Variants in UTS2B observed in about 807,000 individuals in gnomAD.
UTS2B encodes urotensin-2B.
Under a neutral mutation model 19.2 loss-of-function variants are expected in UTS2B, and 21 were observed. The ratio of observed to expected loss-of-function variants is 1.09; its 90% CI spans 0.78 to 1.58. The LOEUF is 1.58. UTS2B is among the 40% of genes most tolerant of loss of function. The pLI, the probability that UTS2B is intolerant of heterozygous loss-of-function variation, is 0.00. For missense variants in UTS2B, 138 were observed against 130.3 expected (o/e 1.06, Z -0.29); for synonymous variants, 57 against 50.2 (o/e 1.14, Z -0.58).
chr3:191,315,643 G>T (rs964078620), intron 3 of UTS2B, among the ~76,000 whole-genome samples: 11 of 152,198 alleles, frequency 7.2e-5, no homozygotes, highest in African/African-American at 2.7e-4. Context: ...AACAGTTTGT[G>T]TTTTTTCCAC....
intron 4 of UTS2B, among the ~76,000 whole-genome samples, chr3:191,293,624 C>T (rs940014863): frequency 3.9e-5 from 6 of 151,940 alleles, no homozygotes; most frequent in African/African-American, 1.5e-4. Flanking sequence ...TGTAAATATT[C>T]TGTCTCATCT....
chr3:191,309,742 T>C (rs139654837), intron 3 of UTS2B, among the ~76,000 whole-genome samples: 2 of 152,214 alleles, frequency 1.3e-5, no homozygotes, highest in Non-Finnish European at 2.9e-5. Flanking sequence ...CGAAAGCATG[T>C]AGCACCTCCT....
chr3:191,316,186 T>C lies in UTS2B; in HGVS notation c.-332A>G, dbSNP rs540840841. The C allele has an allele frequency of 6.6e-6, 1 of 151,966 alleles. No individual in the cohort carries two copies. Among genetic ancestry groups the C allele is most frequent in the East Asian group, 1.9e-4 (1 of 5,176 alleles). 9.4% of individuals were successfully genotyped at this position (151,966 alleles called of 1,614,324 possible). A position where few individuals can be genotyped will look rare whatever the true frequency, so the allele number is the denominator to read the frequency against. ...TGTTTTCTTCCACATAGCCTTTCCATATAGCCAGTTTCCAACAGCATATTA... is the reference window on the plus strand; with the variant it reads ...TGTTTTCTTCCACATAGCCTTTCCACATAGCCAGTTTCCAACAGCATATTA... On this transcript the variant is annotated 5_prime_UTR_variant, in exon 3 of 9. The change creates a new upstream start codon in the 5' untranslated region. Transcript: ENST00000340524.
chr3:191,305,003 T>C (rs549607012), intron 3 of UTS2B, among the ~76,000 whole-genome samples: 13 of 152,276 alleles, frequency 8.5e-5, no homozygotes, highest in African/African-American at 3.1e-4. Flanking sequence ...AAGGACATGA[T>C]CTTGTTCTTT....
chr3:191,337,086 A>C, the UTS2B span, among the ~76,000 whole-genome samples: 1 of 152,116 alleles, frequency 6.6e-6, no homozygotes, highest in Non-Finnish European at 1.5e-5. Flanking sequence ...CTGCTTACAT[A>C]CTGTAGAGGC....
intron 7 of UTS2B, among the ~76,000 whole-genome samples, chr3:191,275,739 G>T (rs1320980135): frequency 7.2e-6 from 1 of 138,908 alleles, no homozygotes; most frequent in Admixed American, 7.2e-5. Context: ...GAAGAGGAAA[G>T]ATAAAAAGAA....
At chr3:191,335,081 C>CATG (rs1718097858), upstream of UTS2B, among the ~76,000 whole-genome samples, 1 of 152,122 alleles carries the variant, frequency 6.6e-6, no homozygotes, top group African/African-American at 2.4e-5. Flanking sequence ...AGTCATAGGC[C>CATG]ATGGTCTTTC....
At chr3:191,287,606 C>T (rs927047680) in intron 4 of UTS2B, among the ~76,000 whole-genome samples, 1 of 152,024 alleles carries the variant, frequency 6.6e-6, no homozygotes, top group Non-Finnish European at 1.5e-5. Context: ...GAATGTACCT[C>T]GGCACAATAA....
intron 4 of UTS2B, among the ~76,000 whole-genome samples, chr3:191,296,075 A>G (rs952370821): frequency 2.6e-5 from 4 of 152,218 alleles, no homozygotes; most frequent in South Asian, 2.1e-4. Flanking sequence ...GAGTCATAAC[A>G]TGATCTAGAA....
chr3:191,323,129 C>CTGTTATTTTATTTTATTTTA (rs1390182802), intron 2 of UTS2B, among the ~76,000 whole-genome samples: 2 of 59,156 alleles, frequency 3.4e-5, no homozygotes, highest in Non-Finnish European at 6.3e-5. Context: ...CTTTTCAGTG[C>CTGTTATTTTATTTTATTTTA]TGTTATTTTA....
intron 2 of UTS2B, among the ~76,000 whole-genome samples, chr3:191,323,418 C>T (rs975883939): frequency 6.6e-5 from 10 of 152,162 alleles, no homozygotes; most frequent in African/African-American, 2.2e-4. Context: ...GTTCGCCCAC[C>T]TGGACCTCCC....
chr3:191,313,228 C>A (rs1717352504), intron 3 of UTS2B, among the ~76,000 whole-genome samples: 1 of 152,136 alleles, frequency 6.6e-6, no homozygotes, highest in Non-Finnish European at 1.5e-5. Context: ...CTCCTGACTA[C>A]AAGTGATCCA....
chr3:191,333,111 T>TCTGTTG (rs1419093707), upstream of UTS2B, among the ~76,000 whole-genome samples: 80 of 152,204 alleles, frequency 5.3e-4, 1 homozygote, highest in Non-Finnish European at 9.1e-4. Context: ...GAATTCTGTG[T>TCTGTTG]GTGTTGGTGT....
At chr3:191,314,108 G>T (rs192816524) in intron 3 of UTS2B, among the ~76,000 whole-genome samples, 1 of 152,062 alleles carries the variant, frequency 6.6e-6, no homozygotes, top group Non-Finnish European at 1.5e-5. Flanking sequence ...ACTGCACTTC[G>T]TGACTCATCT....
the UTS2B span, among the ~76,000 whole-genome samples, chr3:191,346,117 G>T: frequency 5.3e-5 from 8 of 152,126 alleles, no homozygotes; most frequent in African/African-American, 1.9e-4. Context: ...GGGACCATAT[G>T]TGGGCTTTAC....
the UTS2B span, among the ~76,000 whole-genome samples, chr3:191,337,314 A>G: frequency 6.6e-6 from 1 of 152,140 alleles, no homozygotes; most frequent in African/African-American, 2.4e-5. Flanking sequence ...CTTGGGAATT[A>G]TTGTTGATTG....
intron 4 of UTS2B, among the ~76,000 whole-genome samples, chr3:191,286,332 C>T (rs1311577232): frequency 6.6e-6 from 1 of 152,174 alleles, no homozygotes; most frequent in Non-Finnish European, 1.5e-5. Flanking sequence ...ACACATTCTT[C>T]TCAGGTGCAT....
chr3:191,316,486 C>G (rs1420067876), intron 2 of UTS2B, 47 bp from the exon 3 acceptor site: 7 of 152,276 alleles, frequency 4.6e-5, no homozygotes, highest in African/African-American at 7.2e-5. Flanking sequence ...AAAGTCACTC[C>G]AGCGGATTGC....
At chr3:191,334,946 C>G (rs376727319), upstream of UTS2B, among the ~76,000 whole-genome samples, 49 of 152,266 alleles carry the variant, frequency 3.2e-4, 1 homozygote, top group African/African-American at 1.1e-3. Context: ...AAGTCACACT[C>G]TTGCCTCACT....
Sources: gnomAD v4.1 joint callset for allele counts (sites outside exome capture counted in the v4.1 genomes callset) on GRCh38, gnomAD v4.1.1 for gene constraint, MANE v1.5 for transcripts, NCBI Gene and HGNC (gene_info 2026-07-23, HGNC 2026-07-21) for gene names.